CACUL1: variants seen among roughly 807,000 people sequenced by gnomAD.
The protein encoded by CACUL1 is CDK2 associated cullin domain 1.
CACUL1 carries 13 observed loss-of-function variants against 45.2 expected under a neutral mutation model. The ratio of observed to expected loss-of-function variants is 0.29; its 90% CI spans 0.19 to 0.46. The LOEUF (loss-of-function observed/expected upper bound fraction) is 0.46. Ranked by LOEUF, CACUL1 falls within the 20% of genes least tolerant of loss-of-function variation. The pLI is 1.00. For synonymous variants in CACUL1, 197 were observed against 174.2 expected, an observed-to-expected ratio of 1.13 and a Z score of -1.03; for missense variants, 421 against 471.4, an observed-to-expected ratio of 0.89 and a Z score of 0.99.
intron 7 of CACUL1, among the ~76,000 whole-genome samples, chr10:118,689,601 G>A (rs1210064770): frequency 6.6e-6 from 1 of 152,112 alleles, no homozygotes; most frequent in African/African-American, 2.4e-5. Flanking sequence ...ATAGTGCCAT[G>A]TTTGTCCTTC....
At chr10:118,722,170 G>A (rs1052287421) in intron 3 of CACUL1, among the ~76,000 whole-genome samples, 12 of 149,198 alleles carry the variant, frequency 8.0e-5, no homozygotes, top group Admixed American at 1.4e-4. Flanking sequence ...TGCAACCTCC[G>A]CCTCCCAGGT....
intron 5 of CACUL1, among the ~76,000 whole-genome samples, chr10:118,700,409 A>G (rs1322539090): frequency 6.6e-6 from 1 of 152,144 alleles, no homozygotes; most frequent in African/African-American, 2.4e-5. Context: ...GCGAGGGGGA[A>G]GAGGACTCAA....
chr10:118,699,097 T>C (rs890251186), intron 5 of CACUL1, among the ~76,000 whole-genome samples: 1 of 152,204 alleles, frequency 6.6e-6, no homozygotes, highest in Non-Finnish European at 1.5e-5. Context: ...TTGTAAAATA[T>C]AGGTCCTACC....
At chr10:118,686,227 G>A (rs1845204432) in intron 8 of CACUL1, 59 bp from the exon 9 acceptor site, 5 of 1,373,424 alleles carry the variant, frequency 3.6e-6, no homozygotes, top group East Asian at 2.3e-5. Context: ...GATAACAGCA[G>A]GAATCTGTTT....
chr10:118,720,491 T>C (rs1845589665), intron 3 of CACUL1, among the ~76,000 whole-genome samples: 1 of 152,212 alleles, frequency 6.6e-6, no homozygotes, highest in African/African-American at 2.4e-5. Context: ...TCAAAGAAAG[T>C]ATATCTTAAA....
chr10:118,719,811 C>CAAAA (rs896242969), intron 3 of CACUL1, among the ~76,000 whole-genome samples: 1 of 125,062 alleles, frequency 8.0e-6, no homozygotes, highest in African/African-American at 3.0e-5. Flanking sequence ...AATTCCGTCT[C>CAAAA]AAAAAAAAAA....
intron 1 of CACUL1, among the ~76,000 whole-genome samples, chr10:118,746,777 A>G (rs1191303627): frequency 6.6e-6 from 1 of 152,258 alleles, no homozygotes; most frequent in Non-Finnish European, 1.5e-5. Flanking sequence ...AAAAGATGTG[A>G]GCAGATTATC....
chr10:118,747,080 A>G (rs1349050728), intron 1 of CACUL1, among the ~76,000 whole-genome samples: 2 of 152,086 alleles, frequency 1.3e-5, no homozygotes, highest in East Asian at 1.9e-4. Context: ...TAGGTTGCGC[A>G]CTCCTTACCA....
intron 6 of CACUL1, chr10:118,693,731 G>A: frequency 2.2e-6 from 1 of 456,748 alleles, no homozygotes; most frequent in Non-Finnish European, 4.4e-6. Context: ...TCATCACACT[G>A]CTGTAAAATT....
At chr10:118,729,080 T>A (rs1845676239) in intron 3 of CACUL1, 2 of 476,964 alleles carry the variant, frequency 4.2e-6, no homozygotes, top group Non-Finnish European at 7.4e-6. Flanking sequence ...AGGTCTGAAA[T>A]ATATTTAATC....
intron 8 of CACUL1, 103 bp from the exon 9 acceptor site, chr10:118,686,271 C>T: frequency 1.0e-6 from 1 of 952,454 alleles, no homozygotes; most frequent in Non-Finnish European, 1.6e-6. Context: ...TCTCCCAACT[C>T]CCCAAAAAAG....
rs1311824462 is a variant in CACUL1, at chr10:118,754,843, C to T, written c.-81G>A. On this transcript the variant is annotated 5_prime_UTR_variant, in exon 1 of 9. Coordinates refer to ENST00000369151, the MANE Select transcript of CACUL1 (RefSeq NM_153810.5). ...CCGGGCCAGCGGGCACCGCTGCCTC[C>T]CCGAGTTACATCGCCGGCGGCAGGA... 2.4e-5 allele frequency: 36 copies of T among 1,480,328 alleles called. No homozygotes were observed. The highest frequency in any genetic ancestry group is 5.4e-6 in the Non-Finnish European group (6 of 1,114,112). The allele number at this position is 1,480,328 out of a possible 1,614,324, so 91.7% of individuals were successfully genotyped here.
intron 4 of CACUL1, among the ~76,000 whole-genome samples, chr10:118,703,034 C>CT (rs1224454344): frequency 2.0e-5 from 3 of 152,092 alleles, no homozygotes; most frequent in Non-Finnish European, 4.4e-5. Flanking sequence ...AACACCTGGC[C>CT]TCCCACTTCA....
chr10:118,744,869 T>G (rs2119674738), intron 1 of CACUL1, among the ~76,000 whole-genome samples: 1 of 152,204 alleles, frequency 6.6e-6, no homozygotes, highest in East Asian at 1.9e-4. Context: ...TTGGCCAGGC[T>G]GGTCTCAAAC....
intron 1 of CACUL1, 126 bp from the exon 2 acceptor site, chr10:118,730,536 C>T (rs754722603): frequency 1.1e-6 from 1 of 873,124 alleles, no homozygotes; most frequent in East Asian, 2.7e-5. Context: ...ACTCTATCAC[C>T]TAACTATCCT....
intron 3 of CACUL1, among the ~76,000 whole-genome samples, chr10:118,725,297 A>T (rs904751947): frequency 5.9e-5 from 9 of 152,096 alleles, no homozygotes; most frequent in African/African-American, 2.2e-4. Flanking sequence ...GTAAAACCCC[A>T]CCTCTACAAG....
chr10:118,698,846 G>T (rs1439855690), intron 5 of CACUL1, among the ~76,000 whole-genome samples: 1 of 152,196 alleles, frequency 6.6e-6, no homozygotes. Context: ...TAGTTTTCCA[G>T]ATCTATCTGA....
In CACUL1 at chr10:118,754,583, C is replaced by T. The variant is rs774564526; in HGVS notation, c.180G>A (p.Val60=). ...CTTTCCTGTCCACGGAGACCGCGGGCACCGCCAGCAGCTGCCCCCCCGGAG... is the reference window on the plus strand; with the variant it reads ...CTTTCCTGTCCACGGAGACCGCGGGTACCGCCAGCAGCTGCCCCCCCGGAG... ...REPPGGQLLA[V]PAVSVDRKGP... Residue 60 remains valine (V), a synonymous_variant, in exon 1 of 9, where the codon GTG becomes GTA. Transcript: ENST00000369151. 6.2e-7 allele frequency: 1 copy of T among 1,609,208 alleles called. No individual in the cohort carries two copies. Among genetic ancestry groups the T allele is most frequent in the Admixed American group, 1.7e-5 (1 of 59,390 alleles).
At chr10:118,716,727 T>C (rs914940895) in intron 3 of CACUL1, among the ~76,000 whole-genome samples, 1 of 151,626 alleles carries the variant, frequency 6.6e-6, no homozygotes, top group Admixed American at 6.6e-5. Flanking sequence ...CTCAGCCTCC[T>C]GAGTAACTGG....
Sources: allele counts gnomAD v4.1 joint callset (sites outside exome capture counted in the v4.1 genomes callset), GRCh38; gene constraint gnomAD v4.1.1; transcripts MANE v1.5; gene names NCBI Gene and HGNC (gene_info 2026-07-23, HGNC 2026-07-21).